Variants in MACROD2 observed in about 807,000 individuals in gnomAD.
The protein encoded by MACROD2 is ADP-ribose glycohydrolase MACROD2.
In MACROD2, 36 loss-of-function variants were observed where a neutral mutation model predicts 70.4. The observed-to-expected ratio is 0.51, with a 90% CI of 0.39 to 0.68. The LOEUF is 0.68. MACROD2 is among the 30% of genes least tolerant of loss of function. The pLI is 0.00. For synonymous variants in MACROD2, 172 were observed against 178.8 expected (o/e 0.96, Z 0.30); for missense variants, 496 against 538.4 (o/e 0.92, Z 0.78).
At chr20:14,868,594 C>G (rs914025097) in intron 5 of MACROD2, among the ~76,000 whole-genome samples, 2 of 152,230 alleles carry the variant, frequency 1.3e-5, no homozygotes, top group South Asian at 2.1e-4. Flanking sequence ...TAGGGCCCAA[C>G]TTTGCATACT....
At chr20:15,769,674 C>A (rs922036438) in intron 8 of MACROD2, among the ~76,000 whole-genome samples, 4 of 152,170 alleles carry the variant, frequency 2.6e-5, no homozygotes, top group Non-Finnish European at 5.9e-5. Flanking sequence ...AGGAATAACA[C>A]TGAATATGCA....
At chr20:14,817,710 C>G (rs1176392485) in intron 5 of MACROD2, among the ~76,000 whole-genome samples, 1 of 152,078 alleles carries the variant, frequency 6.6e-6, no homozygotes, top group African/African-American at 2.4e-5. Context: ...AGAAAGGGGA[C>G]AGCAACTGAG....
chr20:15,167,452 T>C (rs894307981), intron 5 of MACROD2, among the ~76,000 whole-genome samples: 7 of 152,130 alleles, frequency 4.6e-5, no homozygotes, highest in African/African-American at 7.2e-5. Context: ...TTCTTCCTCC[T>C]CCTCGCTGTA....
intron 7 of MACROD2, among the ~76,000 whole-genome samples, chr20:15,447,830 G>C (rs1244998677): frequency 6.6e-6 from 1 of 152,080 alleles, no homozygotes; most frequent in African/African-American, 2.4e-5. Context: ...AAATCTAATG[G>C]GGGAGTGACT....
intron 8 of MACROD2, among the ~76,000 whole-genome samples, chr20:15,640,233 A>T (rs2049438561): frequency 6.6e-6 from 1 of 152,124 alleles, no homozygotes. Context: ...AATAAGGCAG[A>T]TACAGATGAA....
chr20:15,642,770 T>C (rs2049481908), intron 8 of MACROD2, among the ~76,000 whole-genome samples: 1 of 149,418 alleles, frequency 6.7e-6, no homozygotes, highest in Non-Finnish European at 1.5e-5. Context: ...TGTTTGTGTG[T>C]GTGTATGTGT....
At position 15,409,231 on chromosome 20, in the gene MACROD2, G is replaced by T. The variant is rs923527519; in HGVS notation, c.541-22174G>T. The stretch of plus-strand genomic sequence containing the variant: ...AAACCTCTCCCTCATCATTTTTATG[G>T]TTAAATTACAATGATTGAGCATCAA... On this transcript the variant is annotated intron_variant, in intron 6 of 17. Coordinates refer to ENST00000684519, the MANE Select transcript of MACROD2 (RefSeq NM_001351661.2). Among the ~76,000 whole-genome samples, 95 of 152,168 alleles carry T rather than the reference G, an allele frequency of 6.2e-4. 1 individual carries two copies. Among genetic ancestry groups the T allele is most frequent in the African/African-American group, 2.2e-3 (92 of 41,502 alleles).
chr20:15,929,796 C>T (rs1348293375), intron 10 of MACROD2, among the ~76,000 whole-genome samples: 2 of 152,130 alleles, frequency 1.3e-5, no homozygotes, highest in Non-Finnish European at 2.9e-5. Context: ...ATCATAGTCA[C>T]GTTGCAGCAG....
chr20:15,597,598 G>A (rs1231012125), intron 8 of MACROD2, among the ~76,000 whole-genome samples: 1 of 152,128 alleles, frequency 6.6e-6, no homozygotes, highest in Non-Finnish European at 1.5e-5. Context: ...TACCAGAGGT[G>A]GGCAGTATCT....
intron 3 of MACROD2, among the ~76,000 whole-genome samples, chr20:14,392,177 A>T (rs1490149699): frequency 6.6e-6 from 1 of 152,050 alleles, no homozygotes; most frequent in Non-Finnish European, 1.5e-5. Flanking sequence ...CAACTAGATA[A>T]TTGAACTTGA....
At chr20:16,040,019 T>C (rs940194240) in intron 15 of MACROD2, among the ~76,000 whole-genome samples, 3 of 151,914 alleles carry the variant, frequency 2.0e-5, no homozygotes, top group Admixed American at 6.6e-5. Context: ...CTCTCCCCAG[T>C]GCTAGATGCA....
At chr20:15,207,925 CT>C (rs2076726062) in intron 5 of MACROD2, among the ~76,000 whole-genome samples, 1 of 152,050 alleles carries the variant, frequency 6.6e-6, no homozygotes, top group South Asian at 2.1e-4. Context: ...GTTCACTAAA[CT>C]TTTTGAATCT....
intron 8 of MACROD2, among the ~76,000 whole-genome samples, chr20:15,564,804 G>A (rs116857191): frequency 0.013 from 1,962 of 152,202 alleles, 14 homozygotes; most frequent in Non-Finnish European, 0.019. Context: ...CATTATATAT[G>A]TATTTTTCCC....
intron 6 of MACROD2, among the ~76,000 whole-genome samples, chr20:15,397,676 A>G (rs1428596464): frequency 6.6e-6 from 1 of 152,240 alleles, no homozygotes. Flanking sequence ...GAAAGAAGAT[A>G]TAAGAATTTT....
At chr20:14,026,764 G>A (rs935047331) in intron 2 of MACROD2, among the ~76,000 whole-genome samples, 1 of 152,096 alleles carries the variant, frequency 6.6e-6, no homozygotes, top group Non-Finnish European at 1.5e-5. Flanking sequence ...TTTCTCTCTG[G>A]CTCCCCTTAA....
At chr20:15,672,316 A>G (rs1171536801) in intron 8 of MACROD2, among the ~76,000 whole-genome samples, 2 of 149,672 alleles carry the variant, frequency 1.3e-5, no homozygotes, top group African/African-American at 4.9e-5. Context: ...CTAGTTAAGC[A>G]TGCTAGTTCA....
intron 8 of MACROD2, among the ~76,000 whole-genome samples, chr20:15,547,664 A>T (rs1302917226): frequency 6.6e-6 from 1 of 152,218 alleles, no homozygotes; most frequent in Non-Finnish European, 1.5e-5. Flanking sequence ...TGTAAGATGG[A>T]ATAAAGCATT....
At chr20:14,085,924 C>T (rs920774796) in intron 3 of MACROD2, among the ~76,000 whole-genome samples, 196 bp downstream of exon 3, 1 of 152,106 alleles carries the variant, frequency 6.6e-6, no homozygotes, top group African/African-American at 2.4e-5. Context: ...CTACAGTACC[C>T]TCTACAGTGA....
At chr20:15,930,101 A>G (rs909103212) in intron 10 of MACROD2, among the ~76,000 whole-genome samples, 1 of 152,226 alleles carries the variant, frequency 6.6e-6, no homozygotes, top group Non-Finnish European at 1.5e-5. Flanking sequence ...AGCTAACAAA[A>G]TAGCCTCGCA....
Sources: allele counts gnomAD v4.1 joint callset (sites outside exome capture counted in the v4.1 genomes callset), GRCh38; gene constraint gnomAD v4.1.1; transcripts MANE v1.5; gene names NCBI Gene and HGNC (gene_info 2026-07-23, HGNC 2026-07-21).